The following KNSTRN variants were observed in gnomAD, a reference collection of about 807,000 sequenced individuals.
KNSTRN encodes kinetochore localized astrin (SPAG5) binding protein, also known as small kinetochore-associated protein.
KNSTRN carries 38 observed loss-of-function variants against 44.7 expected under a neutral mutation model. That is an observed-to-expected ratio of 0.85 (90% confidence interval 0.66 to 1.11). The LOEUF (loss-of-function observed/expected upper bound fraction) is 1.11. Among genes scored for constraint, KNSTRN ranks in the 50% most tolerant of loss-of-function variants. The pLI is 0.00. For synonymous variants in KNSTRN, 158 were observed against 148.1 expected (o/e 1.07, Z -0.48); for missense variants, 406 against 375.8 (o/e 1.08, Z -0.66).
chr15:40,382,949 C>T lies in KNSTRN; in HGVS notation c.114C>T (p.Thr38=), dbSNP rs765281304. The T allele has an allele frequency of 2.5e-5, 40 of 1,612,198 alleles. No individual in the cohort carries two copies. Among genetic ancestry groups the T allele is most frequent in the Non-Finnish European group, 3.2e-5 (38 of 1,180,050 alleles). Residue 38 remains threonine, a synonymous_variant, in exon 1 of 9, where the codon ACC becomes ACT. Coordinates refer to ENST00000249776, the MANE Select transcript of KNSTRN (RefSeq NM_033286.4). ...PPSYRKFLFE[T]QAADLAGGTT... is the part of the protein sequence containing the mutation. ...GCTACCGGAAGTTTCTATTTGAAAC[C>T]CAGGCGGCCGACTTAGCCGGTGGCA...
At chr15:40,389,117 C>T (rs538853823) in intron 4 of KNSTRN, 156 of 451,508 alleles carry the variant, frequency 3.5e-4, no homozygotes, top group African/African-American at 3.0e-3. Context: ...TAGAATGGGA[C>T]GTGTTTGTGT....
intron 6 of KNSTRN, 138 bp downstream of exon 6, chr15:40,390,067 A>G (rs1889972980): frequency 1.5e-6 from 1 of 666,218 alleles, no homozygotes; most frequent in South Asian, 1.8e-5. Context: ...GATTTTGGAA[A>G]GCTTCTGTTT....
rs185924013 is a variant in KNSTRN, at chr15:40,386,318, C to T, written c.305-44C>T. The T allele has an allele frequency of 1.2e-4, 199 of 1,593,698 alleles. 1 individual carries two copies. The highest frequency in any genetic ancestry group is 1.0e-3 in the Middle Eastern group (6 of 5,968). On this transcript the variant is annotated intron_variant, in intron 2 of 8. Coordinates refer to ENST00000249776, the MANE Select transcript of KNSTRN (RefSeq NM_033286.4). ...CTGTTTGTTACAGGGTTGCAACTGTCGGGTCATGATGCCAGAAGCTTTACC... is the reference window on the plus strand; with the variant it reads ...CTGTTTGTTACAGGGTTGCAACTGTTGGGTCATGATGCCAGAAGCTTTACC...
chr15:40,389,077 A>C, intron 4 of KNSTRN: 1 of 409,942 alleles, frequency 2.4e-6, no homozygotes, highest in Non-Finnish European at 4.8e-6. Context: ...AACTCACTGA[A>C]GGTCATATAC....
intron 7 of KNSTRN, 87 bp from the exon 8 acceptor site, chr15:40,391,861 GA>G (rs780824730): frequency 1.0e-4 from 105 of 1,009,886 alleles, no homozygotes; most frequent in Non-Finnish European, 1.4e-4. Flanking sequence ...CCTTTGTTGA[GA>G]ACTGTGTGGA....
chr15:40,389,804 A>G, intron 5 of KNSTRN, 32 bp from the exon 6 acceptor site: 1 of 1,601,734 alleles, frequency 6.2e-7, no homozygotes. Context: ...GAGTTGGACA[A>G]TTCCTGATCT....
Position 40,386,618 on chromosome 15 carries a change from C to T in KNSTRN, c.437+124C>T, listed in dbSNP as rs1889907304. On this transcript the variant is annotated intron_variant, in intron 3 of 8. Coordinates refer to ENST00000249776, the MANE Select transcript of KNSTRN (RefSeq NM_033286.4). ...AACAACTGGCCTTCAATCAGTGGCC[C>T]AGAGCAGTGCAGCATTGCTGAGCTC... 1.6e-5 allele frequency: 15 copies of T among 925,282 alleles called. No individual in the cohort carries two copies. The South Asian group carries it at 2.5e-4, about 15-fold the overall frequency. The allele number at this position is 925,282 out of a possible 1,614,324, so 57.3% of individuals were successfully genotyped here.
At chr15:40,391,420 C>T (rs749182724) in intron 6 of KNSTRN, 73 bp from the exon 7 acceptor site, 18 of 1,192,662 alleles carry the variant, frequency 1.5e-5, no homozygotes, top group African/African-American at 4.5e-5. Flanking sequence ...TACTTGTCCA[C>T]GGAGGGTTTT....
chr15:40,392,686 C>T (rs1414916446), intron 8 of KNSTRN, among the ~76,000 whole-genome samples: 1 of 152,220 alleles, frequency 6.6e-6, no homozygotes, highest in African/African-American at 2.4e-5. Context: ...TCTCGGCTCA[C>T]TGCAACCTCC....
chr15:40,391,391 C>A, intron 6 of KNSTRN, 102 bp from the exon 7 acceptor site: 1 of 904,398 alleles, frequency 1.1e-6, no homozygotes, highest in Non-Finnish European at 1.7e-6. Flanking sequence ...AAGAGAAATT[C>A]CCCTCATGAA....
Position 40,386,514 on chromosome 15 carries a change from A to C in KNSTRN, c.437+20A>C. On this transcript the variant is annotated intron_variant, in intron 3 of 8. Transcript: ENST00000249776. ...GAATGGGTGAGAACGGATCATTAGT[A>C]TCCAGTTAGAACATCTTCCTAGAAA... 2 of 1,610,648 alleles carry C rather than the reference A, an allele frequency of 1.2e-6. No homozygotes were observed. Among genetic ancestry groups the C allele is most frequent in the Non-Finnish European group, 1.7e-6 (2 of 1,178,854 alleles).
At chr15:40,388,694 CAA>C (rs56695454) in intron 4 of KNSTRN, among the ~76,000 whole-genome samples, 168 of 139,352 alleles carry the variant, frequency 1.2e-3, no homozygotes, top group South Asian at 1.6e-3. Context: ...GACTCCATCT[CAA>C]AAAAAAAAAA....
intron 6 of KNSTRN, among the ~76,000 whole-genome samples, chr15:40,390,267 A>G (rs1264595584): frequency 6.6e-6 from 1 of 152,264 alleles, no homozygotes; most frequent in Non-Finnish European, 1.5e-5. Context: ...TATTTGGGAA[A>G]GTTACTAGTG....
intron 4 of KNSTRN, among the ~76,000 whole-genome samples, chr15:40,387,985 G>A (rs561543981): frequency 6.6e-6 from 1 of 152,334 alleles, no homozygotes; most frequent in South Asian, 2.1e-4. Context: ...TCCAGCCTGG[G>A]TGACAGAGCA....
chr15:40,393,093 T>A, intron 8 of KNSTRN: 10 of 1,236,480 alleles, frequency 8.1e-6, no homozygotes, highest in Non-Finnish European at 1.2e-5. Context: ...TTGCTCAGAG[T>A]TGGGAATTGA....
intron 8 of KNSTRN, chr15:40,393,058 A>G (rs1354455444): frequency 4.0e-6 from 3 of 757,504 alleles, no homozygotes; most frequent in Non-Finnish European, 6.4e-6. Context: ...TCACCAAGGC[A>G]TGAGGCAATG....
At chr15:40,384,280 A>G (rs181738257) in intron 2 of KNSTRN, 175 of 300,584 alleles carry the variant, frequency 5.8e-4, no homozygotes, top group African/African-American at 3.8e-3. Flanking sequence ...AGGCTGAGGC[A>G]GGAGAATGGC....
At position 40,383,325 on chromosome 15, in the gene KNSTRN, G is replaced by A; in HGVS notation, c.304+3G>A. On this transcript the variant is annotated splice_donor_region_variant and intron_variant, in intron 2 of 8. Transcript: ENST00000249776. ...GCTGAGCGGCGGCCAGCCGGCAGGTGAGGGTCCAAGCCACGCCCGGGGCAC... is the reference window on the plus strand; with the variant it reads ...GCTGAGCGGCGGCCAGCCGGCAGGTAAGGGTCCAAGCCACGCCCGGGGCAC... 6.2e-7 allele frequency: 1 copy of A among 1,609,150 alleles called. No individual in the cohort carries two copies. The highest frequency in any genetic ancestry group is 8.5e-7 in the Non-Finnish European group (1 of 1,176,532).
intron 3 of KNSTRN, 137 bp downstream of exon 3, chr15:40,386,631 C>A: frequency 1.2e-6 from 1 of 800,512 alleles, no homozygotes; most frequent in Admixed American, 2.7e-5. Context: ...AGCAGTGCAG[C>A]ATTGCTGAGC....
Sources: gnomAD v4.1 joint callset for allele counts (sites outside exome capture counted in the v4.1 genomes callset) on GRCh38, gnomAD v4.1.1 for gene constraint, MANE v1.5 for transcripts, NCBI Gene and HGNC (gene_info 2026-07-23, HGNC 2026-07-21) for gene names.